NSMAF: variants seen among roughly 807,000 people sequenced by gnomAD.
NSMAF encodes the protein protein FAN.
In NSMAF, 90 loss-of-function variants were observed where a neutral mutation model predicts 134.9. The observed-to-expected ratio is 0.67, with a 90% confidence interval of 0.56 to 0.79. The LOEUF is 0.79. NSMAF is among the 30% of genes least tolerant of loss of function. The pLI, the probability that NSMAF is intolerant of heterozygous loss-of-function variation, is 0.00. For missense variants in NSMAF, 1,010 were observed against 1,119.0 expected, an observed-to-expected ratio of 0.90 and a Z score of 1.39; for synonymous variants, 358 against 389.6, an observed-to-expected ratio of 0.92 and a Z score of 0.96.
intron 10 of NSMAF, 61 bp downstream of exon 10, chr8:58,609,543 C>A (rs915702521): frequency 6.3e-6 from 10 of 1,584,322 alleles, no homozygotes; most frequent in Non-Finnish European, 8.6e-6. Context: ...CATTGTGAGG[C>A]CATGGTCTGG....
intron 2 of NSMAF, among the ~76,000 whole-genome samples, chr8:58,641,780 T>C (rs181600101): frequency 2.0e-5 from 3 of 152,330 alleles, no homozygotes; most frequent in Admixed American, 6.5e-5. Flanking sequence ...GCTAGATCAA[T>C]AGGTTAATGC....
At chr8:58,612,285 A>G (rs772402157) in intron 9 of NSMAF, among the ~76,000 whole-genome samples, 2 of 152,106 alleles carry the variant, frequency 1.3e-5, no homozygotes, top group Non-Finnish European at 2.9e-5. Flanking sequence ...TGCCTATGTG[A>G]CGAAACCTCC....
In NSMAF at chr8:58,601,457, G is replaced by C; in HGVS notation, c.1204C>G (p.Leu402Val). The change falls in exon 15 of 31, where the codon CTT (leucine) becomes GTT (valine). Residue 402 changes from leucine to valine, a missense_variant. Coordinates refer to ENST00000038176, the MANE Select transcript of NSMAF (RefSeq NM_003580.4). ...YSSPGYVLFYLVRIAPEYMLC... is the reference protein window; with the variant it reads ...YSSPGYVLFYVVRIAPEYMLC... The stretch of plus-strand genomic sequence containing the variant: ...TAAAGAATCTTACCAATCCTAACAA[G>C]ATAAAAAAGTACATAACCCGGGGAA... The C allele has an allele frequency of 6.2e-7, 1 of 1,606,506 alleles. No individual in the cohort carries two copies. Among genetic ancestry groups the C allele is most frequent in the Non-Finnish European group, 8.5e-7 (1 of 1,176,896 alleles).
intron 1 of NSMAF, among the ~76,000 whole-genome samples, chr8:58,644,665 C>T (rs768219306): frequency 1.3e-5 from 2 of 152,178 alleles, no homozygotes; most frequent in African/African-American, 4.8e-5. Flanking sequence ...AACAGGCACA[C>T]ATATGTTTAA....
chr8:58,609,464 A>G (rs1806477473), intron 10 of NSMAF, 140 bp downstream of exon 10: 1 of 754,976 alleles, frequency 1.3e-6, no homozygotes, highest in Non-Finnish European at 2.2e-6. Context: ...TGTAAAATAC[A>G]CAGATGCTGC....
rs549969129 is a variant in NSMAF, at chr8:58,619,218, A to C, written c.557+4002T>G. Among the ~76,000 whole-genome samples, 10 of 152,292 alleles carry C rather than the reference A, an allele frequency of 6.6e-5. No homozygotes were observed. In the South Asian group the frequency reaches 2.1e-3, roughly 32 times the overall value. On this transcript the variant is annotated intron_variant, in intron 9 of 30. Transcript: ENST00000038176. The stretch of plus-strand genomic sequence containing the variant: ...GTGAAGCAGAGAAAGAATCAAACAA[A>C]CATAAACACAAAAAACACATTACTG...
At chr8:58,601,801 C>G (rs541178056) in intron 14 of NSMAF, among the ~76,000 whole-genome samples, 2 of 152,206 alleles carry the variant, frequency 1.3e-5, no homozygotes, top group South Asian at 4.1e-4. Flanking sequence ...GTCTCTTATG[C>G]GATTTACCAC....
At chr8:58,627,937 A>G (rs938695016) in intron 6 of NSMAF, among the ~76,000 whole-genome samples, 50 of 152,194 alleles carry the variant, frequency 3.3e-4, no homozygotes, top group African/African-American at 1.2e-3. Flanking sequence ...AAGCAGTACT[A>G]AGCAAAAAGA....
rs556684359 is a variant in NSMAF at position 58,617,994 on chromosome 8, A to C, written c.557+5226T>G. 2.6e-5 allele frequency among the ~76,000 whole-genome samples: 4 copies of C among 152,348 alleles called. No individual in the cohort carries two copies. The South Asian group carries it at 8.3e-4, about 32-fold the overall frequency. ...TACTATGCAGCCATAAAAAGGGATG[A>C]GTTCATGTCCTTTGCAGGGACATGG... On this transcript the variant is annotated intron_variant, in intron 9 of 30. Coordinates refer to ENST00000038176, the MANE Select transcript of NSMAF (RefSeq NM_003580.4).
chr8:58,603,883 T>C (rs1364467085), intron 12 of NSMAF, among the ~76,000 whole-genome samples: 1 of 152,114 alleles, frequency 6.6e-6, no homozygotes, highest in African/African-American at 2.4e-5. Flanking sequence ...ATGTGAAGAC[T>C]AAGGAAAAGA....
At chr8:58,607,933 A>G (rs990729767) in intron 10 of NSMAF, 93 bp from the exon 11 acceptor site, 2 of 1,038,304 alleles carry the variant, frequency 1.9e-6, no homozygotes, top group Non-Finnish European at 3.0e-6. Flanking sequence ...AAAATCACCA[A>G]ATCTTGCTTT....
intron 26 of NSMAF, chr8:58,588,476 G>A: frequency 2.6e-6 from 3 of 1,175,760 alleles, no homozygotes; most frequent in Middle Eastern, 2.7e-4. Context: ...TGGGGTGGGG[G>A]TGTTCGGTCC....
chr8:58,596,270 A>T (rs898783125), intron 21 of NSMAF, among the ~76,000 whole-genome samples: 39 of 152,126 alleles, frequency 2.6e-4, no homozygotes, highest in Non-Finnish European at 8.8e-5. Context: ...GGGTCATGTA[A>T]CTCCAGGAAG....
chr8:58,610,535 T>G (rs1290718460), intron 9 of NSMAF, among the ~76,000 whole-genome samples: 1 of 152,214 alleles, frequency 6.6e-6, no homozygotes, highest in Non-Finnish European at 1.5e-5. Context: ...CTGAACAATC[T>G]TCATAGCTTT....
chr8:58,597,248 A>T, intron 21 of NSMAF, 139 bp downstream of exon 21: 1 of 753,444 alleles, frequency 1.3e-6, no homozygotes, highest in Non-Finnish European at 2.2e-6. Flanking sequence ...ATCTGTTTTC[A>T]GGAGAACTGC....
chr8:58,584,172 T>C lies in NSMAF; in HGVS notation c.2688A>G (p.Glu896=). Residue 896 remains glutamate (E), a synonymous_variant, in exon 31 of 31, where the codon GAA becomes GAG. Coordinates refer to ENST00000038176, the MANE Select transcript of NSMAF (RefSeq NM_003580.4). ...TGAVTCIWMN[E]QCSSIITGGE... ...CTCCTGTGATGATACTGCTACACTG[T>C]TCATTCATCCATATACATGTCACAG... 1 of 1,613,750 alleles carries C rather than the reference T, an allele frequency of 6.2e-7. No homozygotes were observed. The highest frequency in any genetic ancestry group is 8.5e-7 in the Non-Finnish European group (1 of 1,179,726).
intron 1 of NSMAF, 72 bp from the exon 2 acceptor site, chr8:58,643,145 G>A (rs1428189860): frequency 1.0e-5 from 11 of 1,074,886 alleles, no homozygotes; most frequent in Middle Eastern, 2.0e-4. Flanking sequence ...TATTTAAAAC[G>A]TCTGATCCCA....
intron 2 of NSMAF, among the ~76,000 whole-genome samples, chr8:58,638,070 A>C (rs1048597970): frequency 1.3e-5 from 2 of 152,176 alleles, no homozygotes; most frequent in Non-Finnish European, 2.9e-5. Flanking sequence ...CATTTTAAGA[A>C]ATGGGATCTC....
chr8:58,640,482 T>A (rs1807308088), intron 2 of NSMAF, among the ~76,000 whole-genome samples: 1 of 152,142 alleles, frequency 6.6e-6, no homozygotes, highest in Admixed American at 6.5e-5. Context: ...TATAAATACA[T>A]ATACATGCAT....
Sources: allele counts gnomAD v4.1 joint callset (sites outside exome capture counted in the v4.1 genomes callset), GRCh38; gene constraint gnomAD v4.1.1; transcripts MANE v1.5; gene names NCBI Gene and HGNC (gene_info 2026-07-23, HGNC 2026-07-21).